Variants in DNAH3 observed in about 807,000 individuals in gnomAD.
The protein encoded by DNAH3 is dynein axonemal heavy chain 3, also known as axonemal beta dynein heavy chain 3.
In DNAH3, 332 loss-of-function variants were observed where a neutral mutation model predicts 432.5. That is an observed-to-expected ratio of 0.77 (90% CI 0.70 to 0.84). DNAH3 has a LOEUF of 0.84. DNAH3 is among the 40% of genes least tolerant of loss of function. The pLI, the probability that DNAH3 is intolerant of heterozygous loss-of-function variation, is 0.00. For synonymous variants in DNAH3, 1,956 were observed against 1,900.2 expected (o/e 1.03, Z -0.76); for missense variants, 4,861 against 5,114.0 (o/e 0.95, Z 1.51).
chr16:21,153,813 C>T (rs1044569872), intron 1 of DNAH3, among the ~76,000 whole-genome samples: 3 of 152,208 alleles, frequency 2.0e-5, no homozygotes, highest in Non-Finnish European at 2.9e-5. Context: ...GACCAAGAAC[C>T]TACGAATTCC....
At chr16:21,142,427 AC>A (rs1311299235) in intron 3 of DNAH3, among the ~76,000 whole-genome samples, 1 of 152,212 alleles carries the variant, frequency 6.6e-6, no homozygotes, top group African/African-American at 2.4e-5. Context: ...TAAACTTAGT[AC>A]ATTTATTTTT....
chr16:21,098,407 C>A (rs1370434786), intron 17 of DNAH3, among the ~76,000 whole-genome samples: 4 of 148,116 alleles, frequency 2.7e-5, no homozygotes, highest in Non-Finnish European at 4.4e-5. Flanking sequence ...TTACTGCACT[C>A]CAGCCTGCGC....
At chr16:21,156,447 G>A (rs1277797548) in intron 1 of DNAH3, among the ~76,000 whole-genome samples, 1 of 151,994 alleles carries the variant, frequency 6.6e-6, no homozygotes, top group Non-Finnish European at 1.5e-5. Flanking sequence ...GCCCAGGCTG[G>A]TCTCGAACTC....
intron 36 of DNAH3, among the ~76,000 whole-genome samples, chr16:21,033,609 A>T (rs149072366): frequency 6.6e-6 from 1 of 152,328 alleles, no homozygotes; most frequent in African/African-American, 2.4e-5. Flanking sequence ...GGAAGGGAAC[A>T]GGAAAAGAAG....
At chr16:21,085,531 A>G (rs1163874698) in intron 19 of DNAH3, among the ~76,000 whole-genome samples, 1 of 150,192 alleles carries the variant, frequency 6.7e-6, no homozygotes, top group Non-Finnish European at 1.5e-5. Flanking sequence ...CCACCTCAAA[A>G]AAAAAAAAAA....
intron 52 of DNAH3, among the ~76,000 whole-genome samples, chr16:20,966,957 T>A (rs998909767): frequency 1.3e-5 from 2 of 152,144 alleles, no homozygotes; most frequent in Admixed American, 6.5e-5. Context: ...ATCAAGTGAG[T>A]CTCAATCCCA....
intron 34 of DNAH3, among the ~76,000 whole-genome samples, 184 bp from the exon 35 acceptor site, chr16:21,037,032 G>A (rs1227155595): frequency 6.6e-6 from 1 of 152,074 alleles, no homozygotes; most frequent in Non-Finnish European, 1.5e-5. Context: ...ATAATTTCTG[G>A]CTAGGCCAGA....
chr16:21,030,754 G>C (rs904434684), intron 37 of DNAH3, among the ~76,000 whole-genome samples: 1 of 152,130 alleles, frequency 6.6e-6, no homozygotes, highest in Non-Finnish European at 1.5e-5. Flanking sequence ...GATGTGACTT[G>C]CTCAGTACAA....
chr16:21,059,380 T>C (rs2090259551), intron 26 of DNAH3, among the ~76,000 whole-genome samples: 1 of 152,190 alleles, frequency 6.6e-6, no homozygotes, highest in Non-Finnish European at 1.5e-5. Flanking sequence ...ACAATGCAAA[T>C]ACTGTGTCAA....
intron 8 of DNAH3, among the ~76,000 whole-genome samples, chr16:21,126,333 C>T (rs960855138): frequency 6.6e-6 from 1 of 152,174 alleles, no homozygotes; most frequent in African/African-American, 2.4e-5. Context: ...ACCAGAGAAG[C>T]ACTACTACTG....
chr16:21,158,944 C>T (rs983513159), intron 1 of DNAH3, among the ~76,000 whole-genome samples: 1 of 151,930 alleles, frequency 6.6e-6, no homozygotes, highest in African/African-American at 2.4e-5. Context: ...GCTGGGAGCG[C>T]ACGAGGAGAC....
chr16:20,984,558 A>G (rs1173917990), intron 48 of DNAH3, among the ~76,000 whole-genome samples: 1 of 152,166 alleles, frequency 6.6e-6, no homozygotes, highest in Non-Finnish European at 1.5e-5. Context: ...CAGGAAATTG[A>G]AGACGGGGGA....
At chr16:21,049,257 C>T (rs1355879840) in intron 31 of DNAH3, among the ~76,000 whole-genome samples, 2 of 152,176 alleles carry the variant, frequency 1.3e-5, no homozygotes, top group African/African-American at 4.8e-5. Flanking sequence ...AGCCTCTGTG[C>T]CTGGCTATAC....
chr16:21,144,164 A>G (rs1403780299), intron 3 of DNAH3, among the ~76,000 whole-genome samples: 3 of 152,230 alleles, frequency 2.0e-5, no homozygotes, highest in East Asian at 1.9e-4. Context: ...ACAGCCCCCA[A>G]TGATCCCCAT....
chr16:20,956,660 A>C (rs1042637110), intron 54 of DNAH3, among the ~76,000 whole-genome samples: 2 of 152,052 alleles, frequency 1.3e-5, no homozygotes, highest in African/African-American at 4.8e-5. Flanking sequence ...CAAACCAAAC[A>C]ACATTCTTTT....
chr16:20,936,607 G>A, intron 60 of DNAH3, 42 bp downstream of exon 60: 1 of 1,535,476 alleles, frequency 6.5e-7, no homozygotes, highest in African/African-American at 1.4e-5. Context: ...CTCCACCTAA[G>A]CAAGCATGCC....
intron 24 of DNAH3, among the ~76,000 whole-genome samples, chr16:21,063,459 TTTTA>T (rs1396365911): frequency 1.3e-5 from 2 of 150,194 alleles, no homozygotes; most frequent in African/African-American, 2.4e-5. Flanking sequence ...CTCTACCACC[TTTTA>T]TTTATTTTAT....
Position 20,941,670 on chromosome 16 carries a change from C to G in DNAH3, c.11512-127G>C. 4 of 1,181,138 alleles carry G rather than the reference C, an allele frequency of 3.4e-6. No individual in the cohort carries two copies. The East Asian group carries it at 9.6e-5, about 28-fold the overall frequency. The allele number at this position is 1,181,138 out of a possible 1,614,324, so 73.2% of individuals were successfully genotyped here. A position where few individuals can be genotyped will look rare whatever the true frequency, so the allele number is the denominator to read the frequency against. Reference sequence around the variant, plus strand: ...CTGTGGGACTTTCCTGAGAACTCTCCAACAGAAGCCATTTCTGCCTCCAGT... The same window carrying G: ...CTGTGGGACTTTCCTGAGAACTCTCGAACAGAAGCCATTTCTGCCTCCAGT... On this transcript the variant is annotated intron_variant, in intron 58 of 61. Coordinates refer to ENST00000261383, the Ensembl canonical transcript of DNAH3.
chr16:21,065,401 TC>T (rs2090509590), intron 24 of DNAH3, among the ~76,000 whole-genome samples: 1 of 152,162 alleles, frequency 6.6e-6, no homozygotes, highest in Admixed American at 6.6e-5. Context: ...CCTCACGTGA[TC>T]TGCCCACTTC....
Sources: gnomAD v4.1 joint callset for allele counts (sites outside exome capture counted in the v4.1 genomes callset) on GRCh38, gnomAD v4.1.1 for gene constraint, MANE v1.5 for transcripts, NCBI Gene and HGNC (gene_info 2026-07-23, HGNC 2026-07-21) for gene names.